GABRB1: variants seen among roughly 807,000 people sequenced by gnomAD.
GABRB1 encodes gamma-aminobutyric acid receptor subunit beta-1.
GABRB1 carries 17 observed loss-of-function variants against 51.6 expected under a neutral mutation model. That is an observed-to-expected ratio of 0.33 (90% CI 0.23 to 0.49). GABRB1 has a LOEUF of 0.49. GABRB1 is among the 20% of genes least tolerant of loss of function. The pLI is 0.99. For synonymous variants in GABRB1, 247 were observed against 218.9 expected (o/e 1.13, Z -1.14); for missense variants, 410 against 600.6 (o/e 0.68, Z 3.32).
intron 3 of GABRB1, among the ~76,000 whole-genome samples, chr4:47,114,497 C>T (rs1301391902): frequency 6.6e-6 from 1 of 152,156 alleles, no homozygotes; most frequent in Non-Finnish European, 1.5e-5. Flanking sequence ...TGATTCTGGG[C>T]ATGCAATATT....
At chr4:47,182,227 T>G (rs1718981872) in intron 4 of GABRB1, among the ~76,000 whole-genome samples, 1 of 151,884 alleles carries the variant, frequency 6.6e-6, no homozygotes, top group South Asian at 2.1e-4. Context: ...ATGAGAGAAA[T>G]TTCTGGGTAT....
intron 3 of GABRB1, among the ~76,000 whole-genome samples, chr4:47,137,201 G>A (rs975406928): frequency 6.6e-6 from 1 of 152,108 alleles, no homozygotes; most frequent in Non-Finnish European, 1.5e-5. Flanking sequence ...AGGAAATGCA[G>A]TTGAAAGTGT....
At chr4:47,049,494 A>T (rs558165627) in intron 3 of GABRB1, among the ~76,000 whole-genome samples, 3 of 152,314 alleles carry the variant, frequency 2.0e-5, no homozygotes, top group African/African-American at 7.2e-5. Context: ...GAGAAATCAA[A>T]TAGTAATATG....
intron 1 of GABRB1, among the ~76,000 whole-genome samples, chr4:46,997,074 T>C (rs975345665): frequency 2.0e-5 from 3 of 152,166 alleles, no homozygotes; most frequent in African/African-American, 4.8e-5. Context: ...ATTGATTTAA[T>C]AGTCTCTTAG....
At chr4:47,033,075 T>C (rs1276860397) in intron 3 of GABRB1, 1 of 225,326 alleles carries the variant, frequency 4.4e-6, no homozygotes, top group Non-Finnish European at 9.1e-6. Context: ...GGTAGGCTTG[T>C]ATTGTTCTCT....
intron 3 of GABRB1, among the ~76,000 whole-genome samples, chr4:47,141,153 G>T (rs528736177): frequency 8.3e-4 from 126 of 151,932 alleles, no homozygotes; most frequent in South Asian, 2.1e-3. Context: ...CCTATGTAGA[G>T]ATGTCAGATA....
chr4:47,115,502 TA>T (rs1715438985), intron 3 of GABRB1, among the ~76,000 whole-genome samples: 1 of 152,082 alleles, frequency 6.6e-6, no homozygotes, highest in Middle Eastern at 3.2e-3. Context: ...TATGATTTTT[TA>T]AATATAAAAT....
intron 5 of GABRB1, among the ~76,000 whole-genome samples, chr4:47,374,338 G>A (rs368040251): frequency 6.6e-6 from 1 of 152,246 alleles, no homozygotes; most frequent in African/African-American, 2.4e-5. Flanking sequence ...GCAGTGAGTC[G>A]TGATCGTAAC....
chr4:47,210,560 A>T (rs1450935141), intron 4 of GABRB1, among the ~76,000 whole-genome samples: 1 of 152,162 alleles, frequency 6.6e-6, no homozygotes, highest in Admixed American at 6.6e-5. Flanking sequence ...TAGGGATACT[A>T]AGCACTATTA....
At position 47,032,569 on chromosome 4, in the gene GABRB1, C is replaced by A. The variant is rs745442015; in HGVS notation, c.240+85C>A. On this transcript the variant is annotated intron_variant, in intron 3 of 8. Coordinates refer to ENST00000295454, the MANE Select transcript of GABRB1 (RefSeq NM_000812.4). ...CCCTTTGCCCTCTGCGTTTCATTGG[C>A]GGTCACCTCGCCCCTGGCCCCTGAG... 8 of 1,322,014 alleles carry A rather than the reference C, an allele frequency of 6.1e-6. No individual in the cohort carries two copies. In the East Asian group the frequency reaches 1.6e-4, roughly 27 times the overall value. The allele number at this position is 1,322,014 out of a possible 1,614,324, so 81.9% of individuals were successfully genotyped here. A position where few individuals can be genotyped will look rare whatever the true frequency, so the allele number is the denominator to read the frequency against.
chr4:47,137,670 A>G (rs1716731357), intron 3 of GABRB1, among the ~76,000 whole-genome samples: 1 of 152,134 alleles, frequency 6.6e-6, no homozygotes. Flanking sequence ...AACATAGGCT[A>G]ATATGAATCA....
At chr4:47,266,413 T>C (rs1722643733) in intron 4 of GABRB1, among the ~76,000 whole-genome samples, 1 of 152,180 alleles carries the variant, frequency 6.6e-6, no homozygotes, top group Non-Finnish European at 1.5e-5. Flanking sequence ...TGGGCTCTTT[T>C]TTTGGTTCCA....
chr4:47,170,684 G>A (rs1209572213), intron 4 of GABRB1, among the ~76,000 whole-genome samples: 1 of 152,168 alleles, frequency 6.6e-6, no homozygotes, highest in Non-Finnish European at 1.5e-5. Context: ...TGCAGAGGAA[G>A]CTTGGCTGTT....
intron 4 of GABRB1, among the ~76,000 whole-genome samples, chr4:47,294,495 G>T (rs565394789): frequency 6.6e-6 from 1 of 152,188 alleles, no homozygotes; most frequent in South Asian, 2.1e-4. Context: ...CCACAGTCTC[G>T]CTCATTGCTA....
chr4:47,307,366 C>G (rs1724509912), intron 4 of GABRB1, among the ~76,000 whole-genome samples: 1 of 151,894 alleles, frequency 6.6e-6, no homozygotes, highest in Non-Finnish European at 1.5e-5. Flanking sequence ...AAAGCAGAGA[C>G]AGAAATCATG....
chr4:47,072,058 C>A (rs1415074960), intron 3 of GABRB1, among the ~76,000 whole-genome samples: 15 of 142,212 alleles, frequency 1.1e-4, no homozygotes, highest in African/African-American at 1.6e-4. Context: ...AAAAAAAAAA[C>A]AAGTAGAAGT....
At chr4:47,297,922 A>G (rs1724073884) in intron 4 of GABRB1, among the ~76,000 whole-genome samples, 1 of 152,236 alleles carries the variant, frequency 6.6e-6, no homozygotes, top group African/African-American at 2.4e-5. Flanking sequence ...CCTGGGATGC[A>G]AGGCTGGTTC....
intron 5 of GABRB1, among the ~76,000 whole-genome samples, chr4:47,377,373 G>A (rs1008532833): frequency 2.1e-5 from 3 of 143,306 alleles, no homozygotes; most frequent in African/African-American, 5.8e-5. Context: ...TAAAGGCGTC[G>A]TGTCCGGAGT....
At chr4:47,034,297 G>A (rs1725459917) in intron 3 of GABRB1, among the ~76,000 whole-genome samples, 1 of 151,870 alleles carries the variant, frequency 6.6e-6, no homozygotes, top group South Asian at 2.1e-4. Context: ...TAGGGAAGTT[G>A]CTGCAATCAA....
Sources: gnomAD v4.1 joint callset for allele counts (sites outside exome capture counted in the v4.1 genomes callset) on GRCh38, gnomAD v4.1.1 for gene constraint, MANE v1.5 for transcripts, NCBI Gene and HGNC (gene_info 2026-07-23, HGNC 2026-07-21) for gene names.